LRP6: variants seen among roughly 807,000 people sequenced by gnomAD.
The protein encoded by LRP6 is LDL receptor related protein 6.
A neutral mutation model predicts 184.1 loss-of-function variants in LRP6; 43 were observed. The ratio of observed to expected loss-of-function variants is 0.23; its 90% confidence interval spans 0.18 to 0.30. LRP6 has a LOEUF of 0.30. Ranked by LOEUF, LRP6 falls within the 10% of genes least tolerant of loss-of-function variation. The pLI, the probability that LRP6 is intolerant of heterozygous loss-of-function variation, is 1.00. For synonymous variants in LRP6, 719 were observed against 684.9 expected (o/e 1.05, Z -0.78); for missense variants, 1,571 against 2,005.3 (o/e 0.78, Z 4.14).
intron 3 of LRP6, among the ~76,000 whole-genome samples, chr12:12,201,266 A>G (rs1863907154): frequency 6.6e-6 from 1 of 152,048 alleles, no homozygotes; most frequent in African/African-American, 2.4e-5. Flanking sequence ...TGTTTTAATC[A>G]GTGTGGTGCT....
chr12:12,231,682 GTTTT>G (rs962853785), intron 2 of LRP6, among the ~76,000 whole-genome samples: 7 of 147,344 alleles, frequency 4.8e-5, no homozygotes, highest in African/African-American at 1.5e-4. Context: ...CCAGGAAACG[GTTTT>G]TTTTTTGTTT....
At chr12:12,136,809 T>TA (rs961184491) in intron 16 of LRP6, among the ~76,000 whole-genome samples, 2 of 152,146 alleles carry the variant, frequency 1.3e-5, no homozygotes, top group African/African-American at 4.8e-5. Context: ...ACATTTTTGA[T>TA]AAAAATCCCA....
chr12:12,241,925 A>AT lies in LRP6; in HGVS notation c.449+2336dup, dbSNP rs144284847. Among the ~76,000 whole-genome samples the AT allele has an allele frequency of 1.5e-3, 227 of 152,334 alleles. 3 individuals carry two copies. In the East Asian group the frequency reaches 0.035, roughly 23 times the overall value. On this transcript the variant is annotated intron_variant, in intron 2 of 22. Coordinates refer to ENST00000261349, the MANE Select transcript of LRP6 (RefSeq NM_002336.3). The stretch of plus-strand genomic sequence containing the variant: ...ATTAAAGCCACAGAAACTCTAAAGT[A>AT]TTTTTTAATCAAATGGCGAAATTAC...
chr12:12,243,926 T>C (rs1310837706), intron 2 of LRP6, among the ~76,000 whole-genome samples: 2 of 151,916 alleles, frequency 1.3e-5, no homozygotes, highest in Non-Finnish European at 2.9e-5. Flanking sequence ...AACAAAAAAT[T>C]TTTTTTAGCT....
Position 12,116,581 on chromosome 12 carries a change from C to T in LRP6, c.*4545G>A, listed in dbSNP as rs1949522270. 6.6e-6 allele frequency: 1 copy of T among 152,074 alleles called. No homozygotes were observed. Among genetic ancestry groups the T allele is most frequent in the Admixed American group, 6.5e-5 (1 of 15,270 alleles). The allele number at this position is 152,074 out of a possible 1,614,324, so 9.4% of individuals were successfully genotyped here. A position where few individuals can be genotyped will look rare whatever the true frequency, so the allele number is the denominator to read the frequency against. ...CTTATATTTGACTGAAAAACACAAC[C>T]ACCAAAATGGACAGTTCAGCAAAAG... On this transcript the variant is annotated 3_prime_UTR_variant, in exon 23 of 23. Coordinates refer to ENST00000261349, the MANE Select transcript of LRP6 (RefSeq NM_002336.3).
intron 15 of LRP6, among the ~76,000 whole-genome samples, chr12:12,145,099 T>C (rs111254376): frequency 6.6e-6 from 1 of 151,828 alleles, no homozygotes; most frequent in Non-Finnish European, 1.5e-5. Context: ...ACCTAATACA[T>C]TCAGATTGCA....
At chr12:12,185,668 T>G (rs562858886) in intron 4 of LRP6, among the ~76,000 whole-genome samples, 8 of 152,244 alleles carry the variant, frequency 5.3e-5, no homozygotes, top group African/African-American at 1.4e-4. Context: ...CCCGAGTCAT[T>G]GTAAAGGCTG....
At chr12:12,134,630 G>T (rs777423643) in intron 17 of LRP6, among the ~76,000 whole-genome samples, 2 of 151,994 alleles carry the variant, frequency 1.3e-5, no homozygotes, top group Non-Finnish European at 2.9e-5. Context: ...TTGAACAAAA[G>T]AATATTCTTT....
intron 17 of LRP6, among the ~76,000 whole-genome samples, chr12:12,133,481 AC>A (rs901535280): frequency 6.6e-6 from 1 of 151,586 alleles, no homozygotes; most frequent in Non-Finnish European, 1.5e-5. Context: ...CTCACTCTTC[AC>A]CCCCGCCATC....
chr12:12,147,762 A>G (rs956523335), intron 14 of LRP6, among the ~76,000 whole-genome samples: 2 of 152,078 alleles, frequency 1.3e-5, no homozygotes, highest in Non-Finnish European at 2.9e-5. Flanking sequence ...GCTTAAGCTT[A>G]TGAGTGAGAG....
rs1050149428 is a variant in LRP6 at position 12,118,832 on chromosome 12, G to A, written c.*2294C>T. On this transcript the variant is annotated 3_prime_UTR_variant, in exon 23 of 23. Transcript: ENST00000261349. ...TTTTGAAGAAGAGGCCATTGCCATC[G>A]CAGTGCAAGCACGTGGACTGAGATC... The A allele has an allele frequency of 4.0e-5, 6 of 151,412 alleles. No homozygotes were observed. The highest frequency in any genetic ancestry group is 4.0e-4 in the Admixed American group (6 of 15,182). 9.4% of individuals were successfully genotyped at this position (151,412 alleles called of 1,614,324 possible).
At chr12:12,263,935 G>A (rs1865693686) in intron 1 of LRP6, among the ~76,000 whole-genome samples, 2 of 151,966 alleles carry the variant, frequency 1.3e-5, no homozygotes, top group Non-Finnish European at 2.9e-5. Context: ...GCCAGGAGTT[G>A]GAGACCAGCC....
rs115571653 is a variant in LRP6, at chr12:12,266,941, G to A, written c.-206C>T. On this transcript the variant is annotated 5_prime_UTR_variant, in exon 1 of 23. Transcript: ENST00000261349. ...GCGCCGCTCGGCCCCGGGCTCGCGC[G>A]ACGCCAGCGTCTGCTTCCATCCCGC... 2.7e-3 allele frequency: 1,538 copies of A among 574,116 alleles called. 24 individuals carry two copies. The African/African-American group carries it at 0.028, about 11-fold the overall frequency. 35.6% of individuals were successfully genotyped at this position (574,116 alleles called of 1,614,324 possible).
intron 2 of LRP6, among the ~76,000 whole-genome samples, chr12:12,209,757 A>C (rs10845495): frequency 0.4 from 61,454 of 152,064 alleles, 15,100 homozygotes; most frequent in East Asian, 0.76. Flanking sequence ...AGCACCTATT[A>C]GGAGCTAAGC....
At chr12:12,223,687 T>C (rs1223868706) in intron 2 of LRP6, among the ~76,000 whole-genome samples, 1 of 152,210 alleles carries the variant, frequency 6.6e-6, no homozygotes, top group African/African-American at 2.4e-5. Context: ...ATTCCAAGGC[T>C]GAGATTATTT....
At chr12:12,233,948 A>G (rs1351698473) in intron 2 of LRP6, among the ~76,000 whole-genome samples, 1 of 152,194 alleles carries the variant, frequency 6.6e-6, no homozygotes, top group African/African-American at 2.4e-5. Context: ...GCACTGGCAA[A>G]AAACAATGAG....
At chr12:12,204,312 A>C in intron 2 of LRP6, among the ~76,000 whole-genome samples, 1 of 149,184 alleles carries the variant, frequency 6.7e-6, no homozygotes, top group Admixed American at 6.7e-5. Context: ...GGGGGGGGTC[A>C]GGAACCAATC....
At chr12:12,236,913 G>A (rs1023790258) in intron 2 of LRP6, among the ~76,000 whole-genome samples, 4 of 142,126 alleles carry the variant, frequency 2.8e-5, no homozygotes, top group Admixed American at 6.9e-5. Flanking sequence ...ATAATTCAGG[G>A]ATTTTTTTTT....
At chr12:12,126,566 A>T (rs985243572) in intron 20 of LRP6, 125 bp downstream of exon 20, 1 of 777,534 alleles carries the variant, frequency 1.3e-6, no homozygotes, top group Non-Finnish European at 2.2e-6. Flanking sequence ...GTTTGTCCTT[A>T]TAATTGTTTA....
Sources: allele counts gnomAD v4.1 joint callset (sites outside exome capture counted in the v4.1 genomes callset), GRCh38; gene constraint gnomAD v4.1.1; transcripts MANE v1.5; gene names NCBI Gene and HGNC (gene_info 2026-07-23, HGNC 2026-07-21).